GBF1: variants seen among roughly 807,000 people sequenced by gnomAD.
GBF1 encodes Golgi-specific brefeldin A-resistance guanine nucleotide exchange factor 1.
Under a neutral mutation model 210.5 loss-of-function variants are expected in GBF1, and 114 were observed. That is an observed-to-expected ratio of 0.54 (90% CI 0.47 to 0.63). GBF1 has a LOEUF of 0.63. GBF1 is among the 30% of genes least tolerant of loss of function. The pLI is 0.00. For missense variants in GBF1, 1,851 were observed against 2,357.7 expected, an observed-to-expected ratio of 0.79 and a Z score of 4.45; for synonymous variants, 850 against 889.2, an observed-to-expected ratio of 0.96 and a Z score of 0.78.
rs980817888 is a variant in GBF1 at position 102,363,649 on chromosome 10, G to A, written c.2018-61G>A. ...GGAGTATATTGGTGACCTTCCAAAAGTCCTTATCTGGGTAAAAAAAGGTGT... is the reference window on the plus strand; with the variant it reads ...GGAGTATATTGGTGACCTTCCAAAAATCCTTATCTGGGTAAAAAAAGGTGT... On this transcript the variant is annotated intron_variant, in intron 16 of 39. Transcript: ENST00000369983. The surrounding 1 kb of genome is among the most constrained non-coding windows in gnomAD (Gnocchi z 4.2). The A allele has an allele frequency of 2.6e-5, 29 of 1,132,268 alleles. No individual in the cohort carries two copies. Among genetic ancestry groups the A allele is most frequent in the Non-Finnish European group, 3.9e-5 (29 of 742,970 alleles). 70.1% of individuals were successfully genotyped at this position (1,132,268 alleles called of 1,614,324 possible). A position where few individuals can be genotyped will look rare whatever the true frequency, so the allele number is the denominator to read the frequency against.
chr10:102,369,310 C>T lies in GBF1; in HGVS notation c.3073C>T (p.Arg1025Trp), dbSNP rs376621882. The T allele has an allele frequency of 1.5e-5, 24 of 1,613,536 alleles. No homozygotes were observed. Among genetic ancestry groups the T allele is most frequent in the African/African-American group, 5.3e-5 (4 of 74,912 alleles). Residue 1025 changes from arginine (R) to tryptophan (W), a missense_variant, in exon 24 of 40, where the codon CGG becomes TGG. This residue lies in a region of GBF1 where 967 missense variants were observed against 1,247.7 expected (regional missense o/e 0.78). Transcript: ENST00000369983. ...HLAHRHGDILREGWKNIMEAM... is the reference protein window; with the variant it reads ...HLAHRHGDILWEGWKNIMEAM... ...GGCCCATCGTCATGGTGACATCCTG[C>T]GGGAGGGCTGGAAGAATATCATGGA...
In GBF1 at chr10:102,358,712, G is replaced by A. The variant is rs781159917; in HGVS notation, c.994G>A (p.Glu332Lys). 39 of 1,612,126 alleles carry A rather than the reference G, an allele frequency of 2.4e-5. No individual in the cohort carries two copies. The highest frequency in any genetic ancestry group is 3.3e-4 in the Middle Eastern group (2 of 6,082). The change falls in exon 10 of 40, where the codon GAG (glutamate) becomes AAG (lysine). Residue 332 changes from glutamate to lysine, a missense_variant. This residue lies in a region of GBF1 where 804 missense variants were observed against 958.6 expected (regional missense o/e 0.84). Coordinates refer to ENST00000369983, the MANE Select transcript of GBF1 (RefSeq NM_001377137.1). The stretch of plus-strand genomic sequence containing the variant: ...TGGAAGCAGTGAGCTAGGTGTTCCC[G>A]AGCAGCCTGACCTCCAGGTATGGCT... ...EPGSSELGVPEQPDLQQEGTH... is the reference protein window; with the variant it reads ...EPGSSELGVPKQPDLQQEGTH...
At chr10:102,289,931 G>T (rs1343326103) in intron 3 of GBF1, among the ~76,000 whole-genome samples, 2 of 151,746 alleles carry the variant, frequency 1.3e-5, no homozygotes, top group African/African-American at 4.8e-5. Flanking sequence ...GCAACATAGT[G>T]GGACCCCGTC....
intron 3 of GBF1, among the ~76,000 whole-genome samples, chr10:102,302,033 CT>C (rs1181126590): frequency 6.6e-6 from 1 of 152,244 alleles, no homozygotes; most frequent in East Asian, 1.9e-4. Flanking sequence ...GAGGCCGAGG[CT>C]GGCAGATCAC....
intron 3 of GBF1, among the ~76,000 whole-genome samples, chr10:102,332,461 G>A (rs1279190131): frequency 6.6e-6 from 1 of 150,650 alleles, no homozygotes; most frequent in Non-Finnish European, 1.5e-5. Flanking sequence ...TCGGCTAACT[G>A]CAACTTCTGC....
intron 3 of GBF1, among the ~76,000 whole-genome samples, chr10:102,316,286 C>T (rs964626377): frequency 5.3e-5 from 8 of 152,000 alleles, no homozygotes; most frequent in Admixed American, 2.0e-4. Context: ...GGGATTTCAC[C>T]GTCTTGGCCA....
intron 3 of GBF1, among the ~76,000 whole-genome samples, chr10:102,323,769 A>G (rs2056650410): frequency 2.0e-5 from 3 of 152,110 alleles, no homozygotes. Context: ...CATAAATAGG[A>G]ATCTGAAGGG....
At chr10:102,310,783 C>A (rs1233973652) in intron 3 of GBF1, among the ~76,000 whole-genome samples, 1 of 152,200 alleles carries the variant, frequency 6.6e-6, no homozygotes, top group African/African-American at 2.4e-5. Context: ...AATATACATC[C>A]CTGACAGTTG....
At chr10:102,243,005 A>G (rs892133242), upstream of GBF1, among the ~76,000 whole-genome samples, 4 of 151,402 alleles carry the variant, frequency 2.6e-5, no homozygotes, top group Admixed American at 1.3e-4. Flanking sequence ...TCATGTCTTG[A>G]CTGTTCAGTG....
intron 3 of GBF1, among the ~76,000 whole-genome samples, chr10:102,301,858 G>A (rs2077397793): frequency 6.6e-6 from 1 of 152,214 alleles, no homozygotes; most frequent in Non-Finnish European, 1.5e-5. Context: ...CTTCCCAGAA[G>A]GGGTGGCGGC....
chr10:102,372,935 C>G (rs984660905), intron 29 of GBF1, among the ~76,000 whole-genome samples: 19 of 152,048 alleles, frequency 1.2e-4, no homozygotes, highest in African/African-American at 4.6e-4. Context: ...CCGGGGGAGA[C>G]TCTCTTTCAA....
chr10:102,253,324 C>T (rs1198536907), intron 1 of GBF1, among the ~76,000 whole-genome samples: 2 of 152,228 alleles, frequency 1.3e-5, no homozygotes, highest in East Asian at 1.9e-4. Context: ...AGTTCCCCCA[C>T]ACTCCCTGCC....
chr10:102,322,831 C>T (rs758950478), intron 3 of GBF1, among the ~76,000 whole-genome samples: 1 of 151,602 alleles, frequency 6.6e-6, no homozygotes, highest in Non-Finnish European at 1.5e-5. Context: ...CAGCAAGAAT[C>T]GCTTGAACCC....
At chr10:102,283,871 TTGTATAA>T (rs2075722384) in intron 3 of GBF1, among the ~76,000 whole-genome samples, 1 of 152,166 alleles carries the variant, frequency 6.6e-6, no homozygotes, top group African/African-American at 2.4e-5. Context: ...TACTGTGGTC[TTGTATAA>T]TGTGAAATCT....
rs367736723 is a variant in GBF1, at chr10:102,382,408, C to T, written c.*72C>T. The T allele has an allele frequency of 5.1e-5, 70 of 1,371,438 alleles. No homozygotes were observed. The highest frequency in any genetic ancestry group is 2.4e-4 in the East Asian group (10 of 42,058). 85.0% of individuals were successfully genotyped at this position (1,371,438 alleles called of 1,614,324 possible). A position where few individuals can be genotyped will look rare whatever the true frequency, so the allele number is the denominator to read the frequency against. ...CTTGACCCCACTTCTGGCTGTCCTG[C>T]GGGCCACAAGCTCTTCAGGCCAAGT... On this transcript the variant is annotated 3_prime_UTR_variant, in exon 40 of 40. Coordinates refer to ENST00000369983, the MANE Select transcript of GBF1 (RefSeq NM_001377137.1).
chr10:102,358,393 A>G (rs2059409898), intron 9 of GBF1, 113 bp from the exon 10 acceptor site: 13 of 817,436 alleles, frequency 1.6e-5, no homozygotes, highest in Non-Finnish European at 2.4e-5. Flanking sequence ...AGAGACCAAT[A>G]TATGCAAAGA....
intron 29 of GBF1, among the ~76,000 whole-genome samples, chr10:102,373,437 G>A (rs977798794): frequency 6.6e-6 from 1 of 152,174 alleles, no homozygotes; most frequent in Non-Finnish European, 1.5e-5. Context: ...TTAGCTGGGC[G>A]TGGTCACACA....
chr10:102,371,246 A>G (rs994463504), intron 29 of GBF1, among the ~76,000 whole-genome samples: 6 of 152,262 alleles, frequency 3.9e-5, no homozygotes, highest in Non-Finnish European at 8.8e-5. Flanking sequence ...TGTGAGATCA[A>G]TACACAAAAA....
intron 4 of GBF1, among the ~76,000 whole-genome samples, chr10:102,348,597 A>G (rs2058735517): frequency 1.3e-5 from 2 of 152,174 alleles, no homozygotes; most frequent in African/African-American, 4.8e-5. Context: ...CCCTGAGAGT[A>G]TGGGATTTTT....
Sources: allele counts gnomAD v4.1 joint callset (sites outside exome capture counted in the v4.1 genomes callset), GRCh38; gene constraint gnomAD v4.1.1; regional missense constraint gnomAD v4.1.1; non-coding constraint Gnocchi (gnomAD v3.1); transcripts MANE v1.5; gene names NCBI Gene and HGNC (gene_info 2026-07-23, HGNC 2026-07-21).